STK39: variants seen among roughly 807,000 people sequenced by gnomAD.
STK39 encodes STE20/SPS1-related proline-alanine-rich protein kinase.
A neutral mutation model predicts 77.8 loss-of-function variants in STK39; 20 were observed. That is an observed-to-expected ratio of 0.26 (90% CI 0.18 to 0.37). The LOEUF (loss-of-function observed/expected upper bound fraction) is 0.37. Among genes scored for constraint, STK39 ranks in the 10% least tolerant of loss-of-function variants. STK39 has a pLI of 1.00. For synonymous variants in STK39, 246 were observed against 234.1 expected (o/e 1.05, Z -0.47); for missense variants, 479 against 656.5 (o/e 0.73, Z 2.95).
intron 14 of STK39, among the ~76,000 whole-genome samples, chr2:168,040,339 CA>C (rs557916097): frequency 1.3e-3 from 204 of 152,010 alleles, no homozygotes; most frequent in African/African-American, 4.7e-3. Context: ...TCTTTTTACA[CA>C]AAAAAAGGAA....
chr2:168,059,281 G>A (rs1323125460), intron 14 of STK39, among the ~76,000 whole-genome samples: 2 of 152,138 alleles, frequency 1.3e-5, no homozygotes, highest in African/African-American at 4.8e-5. Flanking sequence ...GACCTATAAC[G>A]ATAATGGGAT....
intron 10 of STK39, among the ~76,000 whole-genome samples, chr2:168,085,635 A>G (rs1255384562): frequency 1.3e-5 from 2 of 152,210 alleles, no homozygotes; most frequent in African/African-American, 4.8e-5. Context: ...GCTCAAGAGC[A>G]TATTTTAGAC....
intron 14 of STK39, among the ~76,000 whole-genome samples, chr2:168,018,511 AAAAG>A (rs1245705398): frequency 2.0e-4 from 23 of 115,288 alleles, no homozygotes; most frequent in African/African-American, 1.0e-3. Flanking sequence ...GAAAAGAAAG[AAAAG>A]AAAGAAAAGA....
At chr2:168,116,065 A>T (rs1687251451) in intron 10 of STK39, among the ~76,000 whole-genome samples, 1 of 152,136 alleles carries the variant, frequency 6.6e-6, no homozygotes. Flanking sequence ...AGTCTATCTC[A>T]AGAGCCAAAG....
intron 10 of STK39, among the ~76,000 whole-genome samples, chr2:168,104,422 T>C (rs117927042): frequency 6.6e-6 from 1 of 152,082 alleles, no homozygotes; most frequent in East Asian, 1.9e-4. Context: ...TAGTATAAGA[T>C]TGTCAAAGTG....
At position 168,247,547 on chromosome 2, in the gene STK39, G is replaced by GC. The variant is rs1690971255; in HGVS notation, c.-113dup. 1 of 628,862 alleles carries GC rather than the reference G, an allele frequency of 1.6e-6. No individual in the cohort carries two copies. Among genetic ancestry groups the GC allele is most frequent in the South Asian group, 4.9e-5 (1 of 20,250 alleles). 39.0% of individuals were successfully genotyped at this position (628,862 alleles called of 1,614,324 possible). A position where few individuals can be genotyped will look rare whatever the true frequency, so the allele number is the denominator to read the frequency against. ...CGGCCGGCGCACGCCCTCCCCGCCC[G>GC]CCGCCGCCGCCGCCGTCCCCGCCGA... On this transcript the variant is annotated 5_prime_UTR_variant, in exon 1 of 18. Coordinates refer to ENST00000355999, the MANE Select transcript of STK39 (RefSeq NM_013233.3).
intron 16 of STK39, among the ~76,000 whole-genome samples, chr2:167,967,473 A>T (rs1407708036): frequency 6.6e-6 from 1 of 152,064 alleles, no homozygotes; most frequent in Non-Finnish European, 1.5e-5. Context: ...TCTCTGTATC[A>T]TACTTTAGGC....
intron 5 of STK39, among the ~76,000 whole-genome samples, chr2:168,146,039 C>T (rs567299472): frequency 2.0e-5 from 3 of 152,240 alleles, no homozygotes; most frequent in South Asian, 4.2e-4. Flanking sequence ...CAATCCAGTC[C>T]AGTCCAACTG....
In STK39 at chr2:168,161,847, T is replaced by C. The variant is rs199498733; in HGVS notation, c.573-5A>G. 5 of 1,604,572 alleles carry C rather than the reference T, an allele frequency of 3.1e-6. No homozygotes were observed. Among genetic ancestry groups the C allele is most frequent in the Non-Finnish European group, 4.3e-6 (5 of 1,174,458 alleles). ...ATATTACCAGCTTTCAAATCCCTAT[T>C]AGAAAAAAAAATAGAAAATAAATTG... On this transcript the variant is annotated splice_region_variant and splice_polypyrimidine_tract_variant and intron_variant, in intron 4 of 17. Transcript: ENST00000355999.
intron 14 of STK39, among the ~76,000 whole-genome samples, chr2:168,032,647 T>G (rs1383828876): frequency 1.3e-5 from 2 of 152,314 alleles, no homozygotes; most frequent in East Asian, 3.9e-4. Context: ...ATACAGTGCA[T>G]CCTGCAAACA....
At chr2:168,171,751 G>C (rs1212206825) in intron 2 of STK39, among the ~76,000 whole-genome samples, 1 of 152,000 alleles carries the variant, frequency 6.6e-6, no homozygotes, top group African/African-American at 2.4e-5. Flanking sequence ...GTCTCCCAAA[G>C]TGCTGAAATT....
intron 3 of STK39, among the ~76,000 whole-genome samples, chr2:168,166,848 G>T (rs767369864): frequency 2.6e-5 from 4 of 152,106 alleles, no homozygotes; most frequent in Non-Finnish European, 4.4e-5. Flanking sequence ...AATGTGTTAA[G>T]GACCTGAACA....
intron 14 of STK39, among the ~76,000 whole-genome samples, chr2:168,059,460 C>G (rs80239892): frequency 0.027 from 4,182 of 152,160 alleles, 199 homozygotes; most frequent in African/African-American, 0.095. Context: ...GTGAGGGTGG[C>G]GTAGTGGAGA....
At chr2:168,104,692 T>C (rs764011652) in intron 10 of STK39, among the ~76,000 whole-genome samples, 40 of 152,218 alleles carry the variant, frequency 2.6e-4, no homozygotes, top group African/African-American at 6.0e-4. Flanking sequence ...ACCATTCTGA[T>C]TGGTGAGTAG....
chr2:168,163,608 C>T lies in STK39; in HGVS notation c.572+131G>A, dbSNP rs981027318. The T allele has an allele frequency of 1.3e-5, 21 of 1,586,140 alleles. No homozygotes were observed. The Admixed American group carries it at 2.3e-4, about 18-fold the overall frequency. Reference sequence around the variant, plus strand: ...TACAAACTAGGGCTGAAGATATGAACATCTGAATTTAAACATCTCTGCAGA... The same window carrying T: ...TACAAACTAGGGCTGAAGATATGAATATCTGAATTTAAACATCTCTGCAGA... On this transcript the variant is annotated intron_variant, in intron 4 of 17. Transcript: ENST00000355999.
chr2:168,214,448 C>T (rs1237798935), intron 1 of STK39, among the ~76,000 whole-genome samples: 1 of 151,908 alleles, frequency 6.6e-6, no homozygotes, highest in East Asian at 1.9e-4. Flanking sequence ...CTGGATATGA[C>T]GTATATCCAG....
At chr2:168,217,078 G>A (rs1487964809) in intron 1 of STK39, among the ~76,000 whole-genome samples, 1 of 152,168 alleles carries the variant, frequency 6.6e-6, no homozygotes, top group Non-Finnish European at 1.5e-5. Flanking sequence ...ATTATCCTAT[G>A]ATGTGAATAA....
chr2:167,992,426 T>C (rs775885942), intron 16 of STK39, among the ~76,000 whole-genome samples: 2 of 152,124 alleles, frequency 1.3e-5, no homozygotes, highest in South Asian at 4.1e-4. Flanking sequence ...AGAAACTGTC[T>C]GGAACTGGGG....
At chr2:168,202,249 C>T (rs1273266006) in intron 1 of STK39, among the ~76,000 whole-genome samples, 1 of 152,204 alleles carries the variant, frequency 6.6e-6, no homozygotes, top group African/African-American at 2.4e-5. Flanking sequence ...CTCTTCTGCA[C>T]AGTAACATTT....
Sources: gnomAD v4.1 joint callset for allele counts (sites outside exome capture counted in the v4.1 genomes callset) on GRCh38, gnomAD v4.1.1 for gene constraint, MANE v1.5 for transcripts, NCBI Gene and HGNC (gene_info 2026-07-23, HGNC 2026-07-21) for gene names.